Variants in ZBED6 observed in about 807,000 individuals in gnomAD.
ZBED6 encodes the protein zinc finger BED-type containing 6.
ZBED6 carries 40 observed loss-of-function variants against 58.4 expected under a neutral mutation model. The observed-to-expected ratio is 0.68, with a 90% confidence interval of 0.53 to 0.89. The LOEUF (loss-of-function observed/expected upper bound fraction) is 0.89. Ranked by LOEUF, ZBED6 falls within the 40% of genes least tolerant of loss-of-function variation. The pLI, the probability that ZBED6 is intolerant of heterozygous loss-of-function variation, is 0.00. For missense variants in ZBED6, 1,057 were observed against 1,003.9 expected (o/e 1.05, Z -0.71); for synonymous variants, 439 against 350.6 (o/e 1.25, Z -2.82).
At chr1:203,830,830 C>T (rs115336416) in intron 7 of ZBED6, among the ~76,000 whole-genome samples, 2,964 of 150,588 alleles carry the variant, frequency 0.02, 99 homozygotes, top group African/African-American at 0.064. Flanking sequence ...AAAGGAAAAA[C>T]GTCATTTTCT....
At chr1:203,847,083 T>C in intron 11 of ZBED6, 101 bp from the exon 12 acceptor site, 2 of 1,248,806 alleles carry the variant, frequency 1.6e-6, no homozygotes, top group Non-Finnish European at 1.1e-6. Context: ...GCTTAAATGA[T>C]AGCTCTCTGT....
intron 1 of ZBED6, among the ~76,000 whole-genome samples, chr1:203,805,244 C>T (rs1024468969): frequency 2.0e-5 from 3 of 150,462 alleles, no homozygotes; most frequent in African/African-American, 7.4e-5. Context: ...AGCAATTCTC[C>T]TGCTTCAGTC....
Position 203,831,681 on chromosome 1 carries a change from A to G in ZBED6, c.*3420A>G, listed in dbSNP as rs375511866. ...TTCAGAGGGTTCTTCAGGAGTTTCC[A>G]GTCTTTTACTCCACCCTGAGCCCGT... On this transcript the variant is annotated 3_prime_UTR_variant, in exon 8 of 17. Coordinates refer to ENST00000550078, the Ensembl canonical transcript of ZBED6. 4 of 1,612,600 alleles carry G rather than the reference A, an allele frequency of 2.5e-6. No homozygotes were observed. Among genetic ancestry groups the G allele is most frequent in the Admixed American group, 1.7e-5 (1 of 59,852 alleles).
At chr1:203,824,758 A>G (rs1679930433) in intron 3 of ZBED6, among the ~76,000 whole-genome samples, 1 of 152,114 alleles carries the variant, frequency 6.6e-6, no homozygotes, top group South Asian at 2.1e-4. Flanking sequence ...GCTGAGTAGA[A>G]GAAAGCTGTG....
At chr1:203,848,454 T>C in intron 13 of ZBED6, 47 bp downstream of exon 13, 1 of 1,440,400 alleles carries the variant, frequency 6.9e-7, no homozygotes, top group Non-Finnish European at 9.6e-7. Flanking sequence ...AAACAAAGGC[T>C]AGATAATTGG....
At chr1:203,826,220 A>G (rs1036998487) in intron 3 of ZBED6, among the ~76,000 whole-genome samples, 4 of 152,092 alleles carry the variant, frequency 2.6e-5, no homozygotes, top group Non-Finnish European at 5.9e-5. Flanking sequence ...AAGTAACGGT[A>G]TTTGCTGTAC....
chr1:203,832,906 C>A (rs1194653982), intron 8 of ZBED6, among the ~76,000 whole-genome samples: 1 of 152,154 alleles, frequency 6.6e-6, no homozygotes, highest in Non-Finnish European at 1.5e-5. Context: ...GTTAAGAATA[C>A]AATCTGTCTT....
At chr1:203,839,322 A>G (rs181580012) in intron 10 of ZBED6, among the ~76,000 whole-genome samples, 47 of 152,356 alleles carry the variant, frequency 3.1e-4, no homozygotes, top group Admixed American at 2.0e-3. Context: ...AAGTACAGGA[A>G]TGCACTATTG....
intron 9 of ZBED6, among the ~76,000 whole-genome samples, chr1:203,837,493 G>A (rs146617161): frequency 1.4e-5 from 2 of 146,552 alleles, no homozygotes; most frequent in East Asian, 2.0e-4. Flanking sequence ...TTGCTGTATC[G>A]CCCAGGCAGG....
chr1:203,833,755 A>T, intron 8 of ZBED6, 36 bp from the exon 9 acceptor site: 1 of 1,590,178 alleles, frequency 6.3e-7, no homozygotes, highest in African/African-American at 1.4e-5. Context: ...AGAAAAATTG[A>T]CTAAGGATAG....
chr1:203,815,211 C>CTTTCTTTTTTTTTT (rs779729339), intron 1 of ZBED6, among the ~76,000 whole-genome samples: 7 of 59,396 alleles, frequency 1.2e-4, no homozygotes, highest in South Asian at 7.6e-4. Flanking sequence ...TCTTCCTTTT[C>CTTTCTTTTTTTTTT]TTTTCTTTTT....
intron 3 of ZBED6, among the ~76,000 whole-genome samples, chr1:203,819,529 A>ATTTT (rs755259647): frequency 5.5e-5 from 4 of 72,886 alleles, no homozygotes; most frequent in African/African-American, 1.7e-4. Flanking sequence ...GCTGACTCCA[A>ATTTT]TTTTTTTTTT....
chr1:203,834,420 C>T (rs543200813), intron 9 of ZBED6, among the ~76,000 whole-genome samples: 1 of 151,488 alleles, frequency 6.6e-6, no homozygotes, highest in South Asian at 2.1e-4. Context: ...CATAGGCCTA[C>T]ACCACCATAC....
chr1:203,800,231 C>T, exon 1 of ZBED6: 5 of 1,352,422 alleles, frequency 3.7e-6, no homozygotes, highest in Non-Finnish European at 5.1e-6. Context: ...AGGTTGCCAT[C>T]CAGTATCTAA....
At chr1:203,816,655 A>G (rs1676480435) in intron 1 of ZBED6, among the ~76,000 whole-genome samples, 1 of 152,098 alleles carries the variant, frequency 6.6e-6, no homozygotes, top group Non-Finnish European at 1.5e-5. Flanking sequence ...AATAAAATGT[A>G]GATCTTTAGT....
At chr1:203,842,625 C>CTTT (rs575844553) in intron 11 of ZBED6, among the ~76,000 whole-genome samples, 1 of 128,322 alleles carries the variant, frequency 7.8e-6, no homozygotes, top group Admixed American at 8.0e-5. Context: ...GAGGGGGAAT[C>CTTT]TTTTTTTTTT....
chr1:203,830,060 A>G, intron 6 of ZBED6, 63 bp from the exon 7 acceptor site: 1 of 1,406,152 alleles, frequency 7.1e-7, no homozygotes, highest in Non-Finnish European at 1.0e-6. Flanking sequence ...CCTGCTATGT[A>G]CAGATAAAAT....
intron 1 of ZBED6, among the ~76,000 whole-genome samples, chr1:203,808,083 A>G (rs976797177): frequency 2.6e-5 from 4 of 151,876 alleles, no homozygotes. Flanking sequence ...CTTTTTTGTA[A>G]GTTCTTTTTC....
chr1:203,849,645 G>C (rs777443334), intron 13 of ZBED6, 66 bp from the exon 14 acceptor site: 1 of 1,457,528 alleles, frequency 6.9e-7, no homozygotes. Flanking sequence ...TGTTAGCCTG[G>C]TACTTACATC....
Sources: gnomAD v4.1 joint callset for allele counts (sites outside exome capture counted in the v4.1 genomes callset) on GRCh38, gnomAD v4.1.1 for gene constraint, MANE v1.5 for transcripts, NCBI Gene and HGNC (gene_info 2026-07-23, HGNC 2026-07-21) for gene names.